GABPB1: variants seen among roughly 807,000 people sequenced by gnomAD.
GABPB1 encodes the protein GA-binding protein subunit beta-1.
In GABPB1, 15 loss-of-function variants were observed where a neutral mutation model predicts 45.9. That is an observed-to-expected ratio of 0.33 (90% CI 0.22 to 0.50). GABPB1 has a LOEUF of 0.50. Ranked by LOEUF, GABPB1 falls within the 20% of genes least tolerant of loss-of-function variation. The probability of loss-of-function intolerance (pLI) is 0.98; values close to 1 mark genes in which losing one functional copy is unlikely to be tolerated. For synonymous variants in GABPB1, 143 were observed against 154.4 expected, an observed-to-expected ratio of 0.93 and a Z score of 0.55; for missense variants, 252 against 457.5, an observed-to-expected ratio of 0.55 and a Z score of 4.10.
Position 50,286,050 on chromosome 15 carries a change from G to T in GABPB1, c.999+18C>A, listed in dbSNP as rs753055094. ...TTGGATGACTGCGGCAAAGCACACC[G>T]GGTAAAAGACTCCTTACTTCTATTT... is the stretch of plus-strand genomic sequence containing the variant. On this transcript the variant is annotated intron_variant, in intron 8 of 8. Transcript: ENST00000380877. 1 of 1,610,060 alleles carries T rather than the reference G, an allele frequency of 6.2e-7. No homozygotes were observed. The highest frequency in any genetic ancestry group is 1.7e-5 in the Admixed American group (1 of 59,424).
intron 1 of GABPB1, among the ~76,000 whole-genome samples, chr15:50,347,840 G>C (rs2048652420): frequency 6.6e-6 from 1 of 152,114 alleles, no homozygotes; most frequent in African/African-American, 2.4e-5. Flanking sequence ...CAGATCACTT[G>C]AAGTCAGAAG....
intron 1 of GABPB1, among the ~76,000 whole-genome samples, chr15:50,344,011 C>A (rs1452964627): frequency 1.3e-5 from 2 of 152,228 alleles, no homozygotes; most frequent in Non-Finnish European, 2.9e-5. Flanking sequence ...TCCCTCCCCA[C>A]AAACGTCAGC....
chr15:50,354,026 G>T (rs1305469088), intron 1 of GABPB1: 1 of 244,846 alleles, frequency 4.1e-6, no homozygotes, highest in Non-Finnish European at 8.1e-6. Context: ...AAGAGTATTT[G>T]TACTGAAAAC....
At chr15:50,346,491 G>A (rs764912632) in intron 1 of GABPB1, 2 of 151,896 alleles carry the variant, frequency 1.3e-5, no homozygotes, top group Non-Finnish European at 2.9e-5. Flanking sequence ...AGTGCAGACT[G>A]TATCTAGTGC....
At chr15:50,321,537 T>A (rs1303515167) in intron 1 of GABPB1, among the ~76,000 whole-genome samples, 2 of 152,082 alleles carry the variant, frequency 1.3e-5, no homozygotes, top group Non-Finnish European at 2.9e-5. Flanking sequence ...AAAGTCTGCA[T>A]TAAAAGGGCA....
At chr15:50,305,391 G>A (rs569886804) in intron 2 of GABPB1, among the ~76,000 whole-genome samples, 3 of 151,952 alleles carry the variant, frequency 2.0e-5, no homozygotes, top group African/African-American at 7.2e-5. Context: ...CCCAGGCTGG[G>A]GTGCAATGGA....
At chr15:50,305,408 T>C (rs2046914356) in intron 2 of GABPB1, among the ~76,000 whole-genome samples, 1 of 152,120 alleles carries the variant, frequency 6.6e-6, no homozygotes, top group South Asian at 2.1e-4. Context: ...TGGATATTCA[T>C]AGGTACAATT....
intron 1 of GABPB1, among the ~76,000 whole-genome samples, chr15:50,322,384 A>T (rs796127135): frequency 4.7e-5 from 1 of 21,446 alleles, no homozygotes; most frequent in Non-Finnish European, 8.9e-5. Context: ...TGAAAAATAC[A>T]AAAAAAAAAA....
chr15:50,279,612 A>C (rs184908429), intron 8 of GABPB1, among the ~76,000 whole-genome samples: 42 of 152,300 alleles, frequency 2.8e-4, no homozygotes, highest in African/African-American at 8.4e-4. Context: ...TTATTGCAGG[A>C]AAAACAAGGA....
intron 1 of GABPB1, among the ~76,000 whole-genome samples, chr15:50,317,781 T>C (rs913101715): frequency 6.6e-5 from 10 of 151,680 alleles, no homozygotes; most frequent in South Asian, 2.1e-4. Flanking sequence ...TGGTGATGGG[T>C]GCCTGCAGTC....
intron 6 of GABPB1, among the ~76,000 whole-genome samples, chr15:50,292,785 G>A (rs746936236): frequency 6.6e-6 from 1 of 151,950 alleles, no homozygotes; most frequent in Non-Finnish European, 1.5e-5. Context: ...CAAAGTAAAG[G>A]TGAAGTATCA....
rs1595866934 is a variant in GABPB1 at position 50,354,512 on chromosome 15, C to G, written c.-1+473G>C. ...AGAGCCCGGCGGGGCCGTCAGGCTG[C>G]CGAGACAAAGGGTACCGCGGCGCCA... On this transcript the variant is annotated intron_variant, in intron 1 of 8. Coordinates refer to ENST00000380877, the MANE Select transcript of GABPB1 (RefSeq NM_016654.5). 3 of 449,568 alleles carry G rather than the reference C, an allele frequency of 6.7e-6. No homozygotes were observed. In the Admixed American group the frequency reaches 7.1e-5, roughly 11 times the overall value. The allele number at this position is 449,568 out of a possible 1,614,324, so 27.8% of individuals were successfully genotyped here.
chr15:50,350,965 T>C (rs1443943426), intron 1 of GABPB1: 1 of 152,180 alleles, frequency 6.6e-6, no homozygotes, highest in African/African-American at 2.4e-5. Flanking sequence ...TTTTTCAACT[T>C]TTTCTCATTT....
intron 1 of GABPB1, among the ~76,000 whole-genome samples, chr15:50,342,603 A>C (rs2048417099): frequency 6.6e-6 from 1 of 152,238 alleles, no homozygotes; most frequent in African/African-American, 2.4e-5. Context: ...TAGACACCAT[A>C]GATCAGTGCT....
At chr15:50,328,800 T>C (rs936207927) in intron 1 of GABPB1, among the ~76,000 whole-genome samples, 8 of 152,272 alleles carry the variant, frequency 5.3e-5, no homozygotes, top group South Asian at 2.1e-4. Flanking sequence ...TTGTAACAAA[T>C]TGTCACTTTC....
At chr15:50,278,877 C>A in intron 8 of GABPB1, 93 bp from the exon 9 acceptor site, 1 of 976,562 alleles carries the variant, frequency 1.0e-6, no homozygotes, top group Non-Finnish European at 1.4e-6. Context: ...AAAAAAAAAC[C>A]GTAGTAGCTA....
rs540044914 is a variant in GABPB1, at chr15:50,318,451, A to G, written c.1-8653T>C. ...ATTTTTAAAATAAATGATATTTTCA[A>G]ATATTATATCCATATATGTATCTCC... On this transcript the variant is annotated intron_variant, in intron 1 of 8. Coordinates refer to ENST00000380877, the MANE Select transcript of GABPB1 (RefSeq NM_016654.5). Among the ~76,000 whole-genome samples the G allele has an allele frequency of 1.0e-3, 154 of 152,196 alleles. 3 individuals are homozygous for G. Among genetic ancestry groups the G allele is most frequent in the Non-Finnish European group, 8.1e-4 (55 of 68,042 alleles).
At position 50,346,606 on chromosome 15, in the gene GABPB1, T is replaced by TTTG. The variant is rs398039503; in HGVS notation, c.-1+8378_-1+8379insCAA. 4.0e-5 allele frequency among the ~76,000 whole-genome samples: 6 copies of TTTG among 149,706 alleles called. 2 individuals carry two copies. Among genetic ancestry groups the TTTG allele is most frequent in the Non-Finnish European group, 4.4e-5 (3 of 67,422 alleles). ...CAGAAAGTTTTTTTTTTTTTTTTTT[T>TTTG]GTAGAGATGGGAGTCTCACTATGGT... On this transcript the variant is annotated intron_variant, in intron 1 of 8. Transcript: ENST00000380877.
In GABPB1 at chr15:50,298,260, T is replaced by C. The variant is rs543639948; in HGVS notation, c.697+2529A>G. 4.3e-3 allele frequency among the ~76,000 whole-genome samples: 653 copies of C among 152,178 alleles called. 2 individuals carry two copies. The highest frequency in any genetic ancestry group is 0.02 in the Middle Eastern group (6 of 294). ...GCACCTGCCACCATGCCCAGCTAATTTTTTCTGTAGAGACAGGATTTTGCC... is the reference window on the plus strand; with the variant it reads ...GCACCTGCCACCATGCCCAGCTAATCTTTTCTGTAGAGACAGGATTTTGCC... On this transcript the variant is annotated intron_variant, in intron 6 of 8. Coordinates refer to ENST00000380877, the MANE Select transcript of GABPB1 (RefSeq NM_016654.5).
Sources: gnomAD v4.1 joint callset for allele counts (sites outside exome capture counted in the v4.1 genomes callset) on GRCh38, gnomAD v4.1.1 for gene constraint, MANE v1.5 for transcripts, NCBI Gene and HGNC (gene_info 2026-07-23, HGNC 2026-07-21) for gene names.